Variants in ZFAT observed in about 807,000 individuals in gnomAD.
The protein encoded by ZFAT is zinc finger protein ZFAT.
A neutral mutation model predicts 117.7 loss-of-function variants in ZFAT; 64 were observed. The ratio of observed to expected loss-of-function variants is 0.54; its 90% CI spans 0.44 to 0.67. The LOEUF is 0.67. Among genes scored for constraint, ZFAT ranks in the 30% least tolerant of loss-of-function variants. The pLI, the probability that ZFAT is intolerant of heterozygous loss-of-function variation, is 0.00. For synonymous variants in ZFAT, 679 were observed against 615.0 expected, an observed-to-expected ratio of 1.10 and a Z score of -1.54; for missense variants, 1,433 against 1,584.5, an observed-to-expected ratio of 0.90 and a Z score of 1.62.
chr8:134,569,906 G>A (rs768088793), intron 10 of ZFAT, among the ~76,000 whole-genome samples: 3 of 152,210 alleles, frequency 2.0e-5, no homozygotes, highest in East Asian at 1.9e-4. Flanking sequence ...ATATCAAAGT[G>A]TAAGTAAGCA....
intron 3 of ZFAT, among the ~76,000 whole-genome samples, chr8:134,624,833 C>G (rs977482339): frequency 2.6e-5 from 4 of 152,180 alleles, no homozygotes; most frequent in African/African-American, 7.2e-5. Context: ...TAAATGCAAT[C>G]ACACATTTGT....
rs1827565728 is a variant in ZFAT, at chr8:134,602,438, T to C, written c.1281A>G (p.Gly427=). ...GCTCACAGGCAAAAGGCCACTTGTC[T>C]CCGTGGACCAGCATATGGCGGTCAC... is the stretch of plus-strand genomic sequence containing the variant. ...LDRDRHMLVH[G]DKWPFACELC... is the part of the protein sequence containing the mutation. Residue 427 remains glycine (G), a synonymous_variant, in exon 6 of 16, where the codon GGA becomes GGG. Coordinates refer to ENST00000377838, the MANE Select transcript of ZFAT (RefSeq NM_020863.4). 2 of 1,613,966 alleles carry C rather than the reference T, an allele frequency of 1.2e-6. No individual in the cohort carries two copies. Among genetic ancestry groups the C allele is most frequent in the Non-Finnish European group, 1.7e-6 (2 of 1,180,002 alleles).
At chr8:134,776,177 A>C in the ZFAT span, among the ~76,000 whole-genome samples, 1 of 152,260 alleles carries the variant, frequency 6.6e-6, no homozygotes, top group Non-Finnish European at 1.5e-5. Context: ...TATAATACTC[A>C]TTTTGTAGAC....
intron 9 of ZFAT, among the ~76,000 whole-genome samples, chr8:134,587,512 T>A (rs1056538243): frequency 3.3e-5 from 5 of 152,000 alleles, no homozygotes; most frequent in African/African-American, 1.2e-4. Flanking sequence ...ATCTGCAGCA[T>A]TCCAGGTTCC....
chr8:134,692,664 C>T (rs987406847), intron 1 of ZFAT, among the ~76,000 whole-genome samples: 3 of 152,152 alleles, frequency 2.0e-5, no homozygotes, highest in Admixed American at 6.5e-5. Flanking sequence ...ATGAACAAAA[C>T]CATACTTTAA....
At chr8:134,512,250 C>A (rs78470895) in intron 14 of ZFAT, among the ~76,000 whole-genome samples, 2,083 of 152,288 alleles carry the variant, frequency 0.014, 47 homozygotes, top group African/African-American at 0.047. Flanking sequence ...GGGACTCTTG[C>A]GGCCCTGTTC....
intron 3 of ZFAT, among the ~76,000 whole-genome samples, chr8:134,631,293 C>T (rs2131070589): frequency 6.6e-6 from 1 of 152,314 alleles, no homozygotes; most frequent in African/African-American, 2.4e-5. Context: ...CAGGGTGCCA[C>T]TTCCATCGCT....
chr8:134,673,370 C>G (rs1182989011), intron 1 of ZFAT: 1 of 157,196 alleles, frequency 6.4e-6, no homozygotes, highest in East Asian at 1.7e-4. Flanking sequence ...TGAAAGAGAA[C>G]TAACAAACAC....
At chr8:134,603,078 A>C (rs1827634945) in intron 5 of ZFAT, 145 bp from the exon 6 acceptor site, 1 of 1,136,694 alleles carries the variant, frequency 8.8e-7, no homozygotes, top group Non-Finnish European at 1.2e-6. Flanking sequence ...CTCACTCAAC[A>C]AACAGGATCA....
At chr8:134,817,496 C>CA in the ZFAT span, among the ~76,000 whole-genome samples, 2 of 149,868 alleles carry the variant, frequency 1.3e-5, no homozygotes, top group African/African-American at 4.9e-5. Context: ...TATACGAGAC[C>CA]AAAATATAAA....
chr8:134,565,102 C>T (rs1431964690), intron 11 of ZFAT: 153 of 1,499,508 alleles, frequency 1.0e-4, no homozygotes, highest in Non-Finnish European at 1.3e-4. Context: ...TGTCTGCATC[C>T]TCTTACACAT....
intron 11 of ZFAT, among the ~76,000 whole-genome samples, chr8:134,542,476 AGT>A (rs1160251975): frequency 2.0e-5 from 3 of 152,218 alleles, no homozygotes; most frequent in East Asian, 3.8e-4. Flanking sequence ...AGCAGGCCCC[AGT>A]GTGTACTGTT....
At chr8:134,604,032 C>T (rs1205611280) in intron 5 of ZFAT, among the ~76,000 whole-genome samples, 1 of 152,230 alleles carries the variant, frequency 6.6e-6, no homozygotes, top group Non-Finnish European at 1.5e-5. Context: ...GTTTCAGACA[C>T]CACGTTAGAT....
chr8:134,779,591 G>C, the ZFAT span, among the ~76,000 whole-genome samples: 1 of 152,210 alleles, frequency 6.6e-6, no homozygotes, highest in South Asian at 2.1e-4. Flanking sequence ...CCCTTGGCTT[G>C]TTTTCTTTCA....
At chr8:134,543,216 GA>G (rs1284970480) in intron 11 of ZFAT, among the ~76,000 whole-genome samples, 3 of 151,644 alleles carry the variant, frequency 2.0e-5, no homozygotes, top group Non-Finnish European at 4.4e-5. Context: ...CTGCACAGAA[GA>G]CATGGGGTCA....
chr8:134,703,544 C>G (rs752453364), intron 1 of ZFAT, among the ~76,000 whole-genome samples: 11 of 152,200 alleles, frequency 7.2e-5, no homozygotes, highest in Admixed American at 1.3e-4. Context: ...ATGGCCACAT[C>G]AGCAAGCACA....
intron 15 of ZFAT, among the ~76,000 whole-genome samples, chr8:134,488,609 T>C (rs1165295253): frequency 6.6e-6 from 1 of 152,176 alleles, no homozygotes; most frequent in East Asian, 1.9e-4. Flanking sequence ...TTCTGTCCAC[T>C]GAGAATTTAG....
intron 1 of ZFAT, among the ~76,000 whole-genome samples, chr8:134,671,380 C>T (rs1832554842): frequency 6.6e-6 from 1 of 152,180 alleles, no homozygotes; most frequent in East Asian, 1.9e-4. Flanking sequence ...CCGAATCCGG[C>T]AGCACATCAA....
chr8:134,542,900 T>A (rs1403806639), intron 11 of ZFAT, among the ~76,000 whole-genome samples: 1 of 152,176 alleles, frequency 6.6e-6, no homozygotes, highest in Non-Finnish European at 1.5e-5. Context: ...CCAGATGACC[T>A]GCTCACACCT....
Sources: gnomAD v4.1 joint callset for allele counts (sites outside exome capture counted in the v4.1 genomes callset) on GRCh38, gnomAD v4.1.1 for gene constraint, MANE v1.5 for transcripts, NCBI Gene and HGNC (gene_info 2026-07-23, HGNC 2026-07-21) for gene names.